Variants in SLC6A20 observed in about 807,000 individuals in gnomAD.
The protein encoded by SLC6A20 is sodium- and chloride-dependent transporter XTRP3.
SLC6A20 carries 73 observed loss-of-function variants against 64.3 expected under a neutral mutation model. The observed-to-expected ratio is 1.14, with a 90% CI of 0.94 to 1.38. The LOEUF is 1.38. SLC6A20 is among the 40% of genes most tolerant of loss of function. The pLI is 0.00. For missense variants in SLC6A20, 725 were observed against 772.8 expected (o/e 0.94, Z 0.73); for synonymous variants, 347 against 329.6 (o/e 1.05, Z -0.57).
chr3:45,786,325 A>G (rs1700169029), intron 1 of SLC6A20, among the ~76,000 whole-genome samples: 1 of 152,216 alleles, frequency 6.6e-6, no homozygotes, highest in Admixed American at 6.5e-5. Flanking sequence ...TCACAAGCCC[A>G]CAAGGCCTCT....
intron 2 of SLC6A20, among the ~76,000 whole-genome samples, 167 bp from the exon 3 acceptor site, chr3:45,780,267 A>G (rs13326492): frequency 0.011 from 1,610 of 152,300 alleles, 30 homozygotes; most frequent in African/African-American, 0.036. Flanking sequence ...GGCACCTGTG[A>G]ACACTTGGGA....
At chr3:45,780,192 G>GT in intron 2 of SLC6A20, 92 bp from the exon 3 acceptor site, 1 of 1,288,780 alleles carries the variant, frequency 7.8e-7, no homozygotes, top group African/African-American at 1.5e-5. Flanking sequence ...CACCTGTGGC[G>GT]ACCGCCCCGG....
At chr3:45,788,070 G>A (rs57126329) in intron 1 of SLC6A20, among the ~76,000 whole-genome samples, 21,334 of 151,970 alleles carry the variant, frequency 0.14, 1,666 homozygotes, top group Admixed American at 0.17. Context: ...CTCAGCCCCC[G>A]TGAGTGGCTG....
chr3:45,769,343 T>A (rs1202847789), intron 7 of SLC6A20, among the ~76,000 whole-genome samples: 1 of 151,832 alleles, frequency 6.6e-6, no homozygotes, highest in Non-Finnish European at 1.5e-5. Flanking sequence ...TAGTAAAAAT[T>A]CCCTAGATTT....
intron 3 of SLC6A20, 40 bp downstream of exon 3, chr3:45,779,969 T>C: frequency 6.4e-7 from 1 of 1,558,554 alleles, no homozygotes; most frequent in Non-Finnish European, 8.7e-7. Context: ...TCTCCCTTTC[T>C]CGCTCCTACT....
chr3:45,776,006 G>C lies in SLC6A20; in HGVS notation c.355-18C>G, dbSNP rs1451076077. On this transcript the variant is annotated intron_variant, in intron 3 of 10. Coordinates refer to ENST00000358525, the MANE Select transcript of SLC6A20 (RefSeq NM_020208.4). ...AGGGGATCCTGTGGGACCAAAGCAA[G>C]TGTTATCCAGGGAGGTGAAGGCTGA... The C allele has an allele frequency of 1.2e-6, 2 of 1,612,376 alleles. No homozygotes were observed. The highest frequency in any genetic ancestry group is 1.7e-4 in the Middle Eastern group (1 of 6,060).
chr3:45,762,957 C>A lies in SLC6A20; in HGVS notation c.1419G>T (p.Val473=), dbSNP rs148894055. 5.0e-6 allele frequency: 8 copies of A among 1,614,046 alleles called. No homozygotes were observed. The African/African-American group carries it at 8.0e-5, about 16-fold the overall frequency. The change falls in exon 9 of 11, where the codon GTG becomes GTT. Residue 473 remains valine (V), a synonymous_variant. Coordinates refer to ENST00000358525, the MANE Select transcript of SLC6A20 (RefSeq NM_020208.4). The stretch of plus-strand genomic sequence containing the variant: ...AGCACACGGCAATCGTCTCCACCAG[C>A]ACGATGAGCAGCAGGGACAGTGTGG... The part of the protein sequence containing the change: ...YAATLSLLLI[V]LVETIAVCYV...
chr3:45,762,998 A>T lies in SLC6A20; in HGVS notation c.1378T>A (p.Phe460Ile). The change falls in exon 9 of 11, where the codon TTC becomes ATC. Residue 460 changes from phenylalanine (F) to isoleucine (I), a missense_variant. Physicochemically the swap from Phe to Ile is conservative, Grantham distance 21. Coordinates refer to ENST00000358525, the MANE Select transcript of SLC6A20 (RefSeq NM_020208.4). The stretch of plus-strand genomic sequence containing the variant: ...GACAGTGTGGCCGCGTAGTCGTTGA[A>T]TATGTCAAACCAGTAGTTCCCAGCC... ...MEAGNYWFDI[F>I]NDYAATLSLL... 1 of 1,614,150 alleles carries T rather than the reference A, an allele frequency of 6.2e-7. No homozygotes were observed. Among genetic ancestry groups the T allele is most frequent in the Non-Finnish European group, 8.5e-7 (1 of 1,180,026 alleles).
Position 45,770,194 on chromosome 3 carries a change from G to C in SLC6A20, c.1098+15C>G. 2 of 1,614,094 alleles carry C rather than the reference G, an allele frequency of 1.2e-6. No individual in the cohort carries two copies. Among genetic ancestry groups the C allele is most frequent in the Non-Finnish European group, 1.7e-6 (2 of 1,179,962 alleles). ...TGGAGAGAAGCCAGTCCTTGACCTT[G>C]CCTGGGCATCTTACCGTGTCTAGCT... On this transcript the variant is annotated intron_variant, in intron 7 of 10. Transcript: ENST00000358525.
At position 45,782,170 on chromosome 3, in the gene SLC6A20, A is replaced by G. The variant is rs1700102882; in HGVS notation, c.175T>C (p.Leu59=). The part of the protein sequence containing the change: ...IMLIVEGMPL[L]YLELAVGQRM... ...TGCCCCACAGCCAGTTCCAGGTACA[A>G]GAGCGGCATTCCCTCCACGATAAGC... The change falls in exon 2 of 11, where the codon TTG becomes CTG. Residue 59 remains leucine, a synonymous_variant. Transcript: ENST00000358525. 2 of 1,613,920 alleles carry G rather than the reference A, an allele frequency of 1.2e-6. No individual in the cohort carries two copies. The highest frequency in any genetic ancestry group is 1.7e-6 in the Non-Finnish European group (2 of 1,179,914).
At chr3:45,782,344 A>G in intron 1 of SLC6A20, 121 bp from the exon 2 acceptor site, 1 of 1,326,518 alleles carries the variant, frequency 7.5e-7, no homozygotes, top group Non-Finnish European at 1.0e-6. Flanking sequence ...GCATTCTCCT[A>G]CCTTTCCATC....
chr3:45,770,081 C>A, intron 7 of SLC6A20, 128 bp downstream of exon 7: 1 of 1,252,424 alleles, frequency 8.0e-7, no homozygotes, highest in South Asian at 1.5e-5. Flanking sequence ...CTTGGAGTTG[C>A]AGGAAAAGTA....
chr3:45,761,072 G>A (rs958451621), intron 9 of SLC6A20, among the ~76,000 whole-genome samples: 2 of 152,204 alleles, frequency 1.3e-5, no homozygotes, highest in South Asian at 2.1e-4. Flanking sequence ...GCTGTGTGGC[G>A]ACCACCACCT....
intron 10 of SLC6A20, among the ~76,000 whole-genome samples, chr3:45,759,582 T>C (rs1699626077): frequency 6.6e-6 from 1 of 152,204 alleles, no homozygotes; most frequent in Non-Finnish European, 1.5e-5. Context: ...CTGGCGCCTT[T>C]GCAGCGGGAG....
intron 3 of SLC6A20, among the ~76,000 whole-genome samples, chr3:45,777,220 A>G (rs1000113903): frequency 3.3e-5 from 5 of 152,120 alleles, no homozygotes; most frequent in Non-Finnish European, 5.9e-5. Flanking sequence ...GTATCACCTA[A>G]TGGGTCATGG....
chr3:45,772,318 G>A, intron 5 of SLC6A20, 187 bp downstream of exon 5: 1 of 542,182 alleles, frequency 1.8e-6, no homozygotes, highest in East Asian at 3.3e-5. Flanking sequence ...GAGTGGGGAT[G>A]ACCTGGCTGA....
rs376576555 is a variant in SLC6A20 at position 45,780,120 on chromosome 3, C to A, written c.263-20G>T. On this transcript the variant is annotated intron_variant, in intron 2 of 10. Transcript: ENST00000358525. ...CGACCCCTGCGAGGAAGCAGAGGGC[C>A]GCGCTGAGGACTGAGGATGGCCCTT... 4.5e-6 allele frequency: 7 copies of A among 1,569,690 alleles called. No homozygotes were observed. The African/African-American group carries it at 8.1e-5, about 18-fold the overall frequency.
chr3:45,788,978 G>A (rs1473171633), intron 1 of SLC6A20, among the ~76,000 whole-genome samples: 1 of 152,104 alleles, frequency 6.6e-6, no homozygotes, highest in Non-Finnish European at 1.5e-5. Flanking sequence ...TTATACAAAT[G>A]GAAAATGTAA....
At chr3:45,786,511 C>T (rs1016896693) in intron 1 of SLC6A20, among the ~76,000 whole-genome samples, 7 of 152,208 alleles carry the variant, frequency 4.6e-5, no homozygotes, top group Non-Finnish European at 2.9e-5. Context: ...GTGTCCTTGT[C>T]CAGAGGCACA....
Sources: allele counts gnomAD v4.1 joint callset (sites outside exome capture counted in the v4.1 genomes callset), GRCh38; gene constraint gnomAD v4.1.1; transcripts MANE v1.5; gene names NCBI Gene and HGNC (gene_info 2026-07-23, HGNC 2026-07-21).